SLC71A2: variants seen among roughly 807,000 people sequenced by gnomAD.
SLC71A2 encodes hippocampus abundant transcript-like 1.
At chr9:94,432,270 G>C in the SLC71A2 span, among the ~76,000 whole-genome samples, 3 of 152,006 alleles carry the variant, frequency 2.0e-5, no homozygotes, top group African/African-American at 7.3e-5. Context: ...GGAGGCCGAG[G>C]TGGGCTGATC....
chr9:94,423,724 G>T, the SLC71A2 span, among the ~76,000 whole-genome samples: 2 of 152,142 alleles, frequency 1.3e-5, no homozygotes, highest in Non-Finnish European at 2.9e-5. Flanking sequence ...GTAGGAAAAA[G>T]AAGCTTGAAT....
the SLC71A2 span, among the ~76,000 whole-genome samples, chr9:94,391,768 A>G: frequency 2.0e-5 from 3 of 151,288 alleles, no homozygotes; most frequent in Admixed American, 2.0e-4. Flanking sequence ...GGGCACGTGT[A>G]GTCCCAGCTA....
At chr9:94,457,458 T>TA in the SLC71A2 span, among the ~76,000 whole-genome samples, 1 of 151,894 alleles carries the variant, frequency 6.6e-6, no homozygotes, top group East Asian at 1.9e-4. Context: ...ATTGCATTTT[T>TA]TTTTTCTATA....
chr9:94,455,656 T>C, the SLC71A2 span, among the ~76,000 whole-genome samples: 1 of 152,192 alleles, frequency 6.6e-6, no homozygotes, highest in Non-Finnish European at 1.5e-5. Flanking sequence ...GGTTTTTCTT[T>C]TTCAGTAATG....
chr9:94,457,405 A>T, the SLC71A2 span, among the ~76,000 whole-genome samples: 38 of 149,190 alleles, frequency 2.5e-4, no homozygotes, highest in South Asian at 3.4e-3. Flanking sequence ...CCTTTTTTTT[A>T]AAAGTTTTAG....
the SLC71A2 span, among the ~76,000 whole-genome samples, chr9:94,440,232 C>A: frequency 6.6e-6 from 1 of 152,058 alleles, no homozygotes; most frequent in East Asian, 1.9e-4. Flanking sequence ...TGGCTCACTG[C>A]AAGCTCCGCC....
At chr9:94,400,497 C>T in the SLC71A2 span, among the ~76,000 whole-genome samples, 1 of 129,850 alleles carries the variant, frequency 7.7e-6, no homozygotes, top group Non-Finnish European at 1.7e-5. Flanking sequence ...TTTTTTGCCT[C>T]CAGTCTTAAA....
At chr9:94,450,738 C>T in the SLC71A2 span, among the ~76,000 whole-genome samples, 1 of 152,140 alleles carries the variant, frequency 6.6e-6, no homozygotes, top group African/African-American at 2.4e-5. Context: ...ATCCGCCTGC[C>T]TTGGCCTCCC....
At chr9:94,427,188 G>A in the SLC71A2 span, among the ~76,000 whole-genome samples, 2 of 152,096 alleles carry the variant, frequency 1.3e-5, no homozygotes, top group African/African-American at 4.8e-5. Flanking sequence ...TAGAATATAT[G>A]TTTTATTTAC....
chr9:94,377,795 A>G, the SLC71A2 span, among the ~76,000 whole-genome samples: 2 of 151,904 alleles, frequency 1.3e-5, no homozygotes, highest in Admixed American at 1.3e-4. Flanking sequence ...ACTCCAAGAG[A>G]TCATTTCCTT....
the SLC71A2 span, among the ~76,000 whole-genome samples, chr9:94,451,278 G>A: frequency 0.15 from 22,506 of 152,044 alleles, 1,784 homozygotes; most frequent in Middle Eastern, 0.26. Context: ...TGCTTATAAC[G>A]ATTTCTTACA....
the SLC71A2 span, among the ~76,000 whole-genome samples, chr9:94,398,491 G>C: frequency 6.6e-6 from 1 of 152,118 alleles, no homozygotes; most frequent in Admixed American, 6.6e-5. Context: ...ACTAAGGTCT[G>C]AGTCTTGAAG....
chr9:94,453,182 C>T, the SLC71A2 span, among the ~76,000 whole-genome samples: 1 of 144,562 alleles, frequency 6.9e-6, no homozygotes, highest in African/African-American at 2.6e-5. Context: ...CGGAGTCTCG[C>T]TCTGTCACCC....
the SLC71A2 span, among the ~76,000 whole-genome samples, chr9:94,379,413 G>T: frequency 8.1e-6 from 1 of 122,974 alleles, no homozygotes; most frequent in Non-Finnish European, 1.9e-5. Context: ...TAAGAGGTGA[G>T]GCCTCACTCT....
chr9:94,400,370 G>A, the SLC71A2 span, among the ~76,000 whole-genome samples: 3 of 151,858 alleles, frequency 2.0e-5, no homozygotes, highest in Non-Finnish European at 4.4e-5. Context: ...AGAACTCATT[G>A]GAGACAAATA....
the SLC71A2 span, chr9:94,453,857 A>G: frequency 1.4e-5 from 11 of 776,964 alleles, no homozygotes; most frequent in Middle Eastern, 3.7e-4. Context: ...GTGTGCCCTT[A>G]GAGGTCTCTG....
the SLC71A2 span, among the ~76,000 whole-genome samples, chr9:94,440,004 G>T: frequency 6.6e-6 from 1 of 152,070 alleles, no homozygotes; most frequent in Non-Finnish European, 1.5e-5. Flanking sequence ...TATATAAAGG[G>T]AGTATTGTAA....
At chr9:94,459,596 T>G in the SLC71A2 span, 1 of 236,204 alleles carries the variant, frequency 4.2e-6, no homozygotes. Flanking sequence ...TCTTACATTC[T>G]TTTTTTTTTT....
chr9:94,435,650 CTTT>C, the SLC71A2 span, among the ~76,000 whole-genome samples: 1 of 48,398 alleles, frequency 2.1e-5, no homozygotes, highest in Non-Finnish European at 4.1e-5. Context: ...TTTCCTTCTT[CTTT>C]TTTTTTTTTT....
Sources: gnomAD v4.1 joint callset for allele counts (sites outside exome capture counted in the v4.1 genomes callset) on GRCh38, gnomAD v4.1.1 for gene constraint, MANE v1.5 for transcripts, NCBI Gene and HGNC (gene_info 2026-07-23, HGNC 2026-07-21) for gene names.